The following TBC1D31 variants were observed in gnomAD, a reference collection of about 807,000 sequenced individuals.
TBC1D31 encodes TBC1 domain family member 31, also known as WD repeat domain 67.
Under a neutral mutation model 132.9 loss-of-function variants are expected in TBC1D31, and 99 were observed. That is an observed-to-expected ratio of 0.74 (90% CI 0.63 to 0.88). TBC1D31 has a LOEUF of 0.88. Ranked by LOEUF, TBC1D31 falls within the 40% of genes least tolerant of loss-of-function variation. The pLI, the probability that TBC1D31 is intolerant of heterozygous loss-of-function variation, is 0.00. For synonymous variants in TBC1D31, 385 were observed against 419.4 expected (o/e 0.92, Z 1.00); for missense variants, 1,134 against 1,256.6 (o/e 0.90, Z 1.48).
At chr8:123,160,347 T>C in the TBC1D31 span, among the ~76,000 whole-genome samples, 2 of 152,250 alleles carry the variant, frequency 1.3e-5, no homozygotes, top group East Asian at 3.9e-4. Flanking sequence ...TATGTTAATC[T>C]ATAAGCTATT....
At chr8:123,152,495 T>C (rs1472960119), downstream of TBC1D31, among the ~76,000 whole-genome samples, 1 of 152,170 alleles carries the variant, frequency 6.6e-6, no homozygotes, top group African/African-American at 2.4e-5. Flanking sequence ...CTCCACTTCC[T>C]AGCTCCAGAG....
chr8:123,118,931 G>T (rs962668251), intron 10 of TBC1D31, among the ~76,000 whole-genome samples: 1 of 152,170 alleles, frequency 6.6e-6, no homozygotes, highest in Admixed American at 6.5e-5. Flanking sequence ...TCGCTCTGTT[G>T]TCCAGGCTGG....
At chr8:123,080,909 C>T (rs926206682) in intron 2 of TBC1D31, among the ~76,000 whole-genome samples, 17 of 152,100 alleles carry the variant, frequency 1.1e-4, no homozygotes, top group African/African-American at 2.7e-4. Context: ...GTGGGATGTT[C>T]GGGATGGCAT....
rs879323924 is a variant in TBC1D31, at chr8:123,149,046, TA to T, written c.2975-978del. Reference sequence around the variant, plus strand: ...TGGGGTGACAGAGCAAGATTCCGTCTAAAAAAAAAAAAGTGTTATTTCTTAG... The same window carrying T: ...TGGGGTGACAGAGCAAGATTCCGTCTAAAAAAAAAAAGTGTTATTTCTTAG... On this transcript the variant is annotated intron_variant, in intron 20 of 21. Coordinates refer to ENST00000287380, the MANE Select transcript of TBC1D31 (RefSeq NM_145647.4). 4.5e-3 allele frequency among the ~76,000 whole-genome samples: 643 copies of T among 144,226 alleles called. 3 individuals carry two copies. The highest frequency in any genetic ancestry group is 6.4e-3 in the Non-Finnish European group (417 of 65,260). 94.6% of individuals were successfully genotyped at this position (144,226 alleles called of 152,430 possible).
intron 8 of TBC1D31, among the ~76,000 whole-genome samples, chr8:123,106,263 C>T (rs1350773077): frequency 1.3e-5 from 2 of 152,182 alleles, no homozygotes; most frequent in African/African-American, 4.8e-5. Context: ...ATGACGAAAT[C>T]TCCTGCCATC....
Position 123,084,341 on chromosome 8 carries a change from G to A in TBC1D31, c.519+1G>A. On this transcript the variant is annotated splice_donor_variant, in intron 4 of 21. Transcript: ENST00000287380. LOFTEE classifies it high-confidence loss of function. ...TCGCCAGTCTGTGGGTATACAGAAG[G>A]TCAGTGAGGGGGTACATCTTGGTCT... 1 of 1,613,802 alleles carries A rather than the reference G, an allele frequency of 6.2e-7. No individual in the cohort carries two copies. Among genetic ancestry groups the A allele is most frequent in the Non-Finnish European group, 8.5e-7 (1 of 1,179,794 alleles).
chr8:123,115,843 G>C (rs1014974537), intron 10 of TBC1D31, among the ~76,000 whole-genome samples: 3 of 152,192 alleles, frequency 2.0e-5, no homozygotes, highest in Admixed American at 2.0e-4. Context: ...TACCCAGGTA[G>C]TCCAGGATTA....
At chr8:123,159,673 T>C in the TBC1D31 span, among the ~76,000 whole-genome samples, 1 of 151,956 alleles carries the variant, frequency 6.6e-6, no homozygotes. Flanking sequence ...ATGCCTGTAA[T>C]CCCAGCTACT....
chr8:123,083,815 AC>A (rs1304806073), intron 3 of TBC1D31: 1 of 182,422 alleles, frequency 5.5e-6, no homozygotes, highest in Non-Finnish European at 1.1e-5. Flanking sequence ...CTTCCCCTCC[AC>A]CAGATATCCT....
intron 2 of TBC1D31, chr8:123,082,497 T>A (rs1372532180): frequency 2.0e-6 from 1 of 503,604 alleles, no homozygotes; most frequent in East Asian, 3.3e-5. Context: ...GTGATTCTGC[T>A]GTGCTAACAC....
intron 4 of TBC1D31, among the ~76,000 whole-genome samples, chr8:123,089,657 A>C (rs1204969164): frequency 1.3e-5 from 2 of 152,202 alleles, no homozygotes; most frequent in Non-Finnish European, 2.9e-5. Context: ...GCAGTGAACC[A>C]AGATCACACC....
At chr8:123,082,319 A>G (rs1815251589) in intron 2 of TBC1D31, among the ~76,000 whole-genome samples, 1 of 151,920 alleles carries the variant, frequency 6.6e-6, no homozygotes, top group Non-Finnish European at 1.5e-5. Context: ...CTCCATGTTG[A>G]ATCCATACCG....
At chr8:123,147,579 A>G (rs1822342775) in intron 20 of TBC1D31, among the ~76,000 whole-genome samples, 1 of 152,204 alleles carries the variant, frequency 6.6e-6, no homozygotes, top group African/African-American at 2.4e-5. Flanking sequence ...TAGTTTTCCT[A>G]CACCTTTGCC....
chr8:123,102,547 G>C (rs555956936), intron 7 of TBC1D31: 8 of 296,656 alleles, frequency 2.7e-5, no homozygotes, highest in Middle Eastern at 1.2e-3. Flanking sequence ...TCTTTTCTAT[G>C]TGTGTAAATA....
chr8:123,084,963 T>C (rs1289930906), intron 4 of TBC1D31, among the ~76,000 whole-genome samples: 2 of 151,820 alleles, frequency 1.3e-5, no homozygotes, highest in Non-Finnish European at 2.9e-5. Flanking sequence ...CTAATTTTTG[T>C]ATTTTTAGTA....
chr8:123,156,117 A>T (rs1198956665), downstream of TBC1D31, among the ~76,000 whole-genome samples: 2 of 152,230 alleles, frequency 1.3e-5, no homozygotes, highest in Non-Finnish European at 2.9e-5. Context: ...TTACCAGGAT[A>T]GTAAACCTGG....
chr8:123,074,599 G>C (rs1029808293), intron 1 of TBC1D31, among the ~76,000 whole-genome samples: 14 of 152,176 alleles, frequency 9.2e-5, no homozygotes, highest in Non-Finnish European at 1.6e-4. Flanking sequence ...AAAATATCTA[G>C]ATATATGTGC....
chr8:123,080,886 T>G (rs1274823168), intron 2 of TBC1D31, among the ~76,000 whole-genome samples: 1 of 152,086 alleles, frequency 6.6e-6, no homozygotes, highest in Non-Finnish European at 1.5e-5. Flanking sequence ...CTCAAAGTAA[T>G]CCTTATGCCA....
intron 3 of TBC1D31, chr8:123,083,241 CAAGCACTGTTGACGCAGGGAG>C (rs781429684): frequency 5.8e-5 from 9 of 155,184 alleles, no homozygotes; most frequent in Non-Finnish European, 1.1e-4. Context: ...CCATCTGCGC[CAAGCACTGTTGACGCAGGGAG>C]TCGACCCAAG....
Sources: allele counts gnomAD v4.1 joint callset (sites outside exome capture counted in the v4.1 genomes callset), GRCh38; gene constraint gnomAD v4.1.1; transcripts MANE v1.5; gene names NCBI Gene and HGNC (gene_info 2026-07-23, HGNC 2026-07-21).